The following PCDH18 variants were observed in gnomAD, a reference collection of about 807,000 sequenced individuals.
PCDH18 encodes the protein protocadherin-18.
A neutral mutation model predicts 71.5 loss-of-function variants in PCDH18; 38 were observed. The observed-to-expected ratio is 0.53, with a 90% CI of 0.41 to 0.70. The LOEUF is 0.70. Ranked by LOEUF, PCDH18 falls within the 30% of genes least tolerant of loss-of-function variation. The pLI is 0.00. For synonymous variants in PCDH18, 565 were observed against 505.4 expected (o/e 1.12, Z -1.58); for missense variants, 1,334 against 1,384.6 (o/e 0.96, Z 0.58).
At chr4:137,522,942 T>C (rs1444186896) in intron 3 of PCDH18, among the ~76,000 whole-genome samples, 5 of 152,232 alleles carry the variant, frequency 3.3e-5, no homozygotes, top group East Asian at 3.9e-4. Flanking sequence ...AAAGAAGTAA[T>C]GGTCTTTGAT....
intron 1 of PCDH18, 96 bp from the exon 2 acceptor site, chr4:137,528,916 A>C: frequency 1.2e-6 from 1 of 868,542 alleles, no homozygotes; most frequent in Non-Finnish European, 1.9e-6. Context: ...ATTTCAACTA[A>C]GTAATTGAAT....
chr4:137,530,132 C>T lies in PCDH18; in HGVS notation c.1957G>A (p.Glu653Lys). Residue 653 changes from glutamate to lysine, a missense_variant, in exon 1 of 4, where the codon GAG becomes AAG. By Grantham distance (56) the Glu-to-Lys change is moderately conservative. Coordinates refer to ENST00000344876, the MANE Select transcript of PCDH18 (RefSeq NM_019035.5). The part of the protein sequence containing the change: ...SMDSVPYTEW[E>K]LSVIIQDKGN... ...TTGTCCTGAATGATAACTGACAGCT[C>T]CCATTCTGTGTAGGGAACAGAATCC... is the stretch of plus-strand genomic sequence containing the variant. The T allele has an allele frequency of 6.2e-7, 1 of 1,612,816 alleles. No homozygotes were observed. Among genetic ancestry groups the T allele is most frequent in the South Asian group, 1.1e-5 (1 of 91,050 alleles).
In PCDH18 at chr4:137,530,990, A is replaced by G; in HGVS notation, c.1099T>C (p.Ser367Pro). Reference sequence around the variant, plus strand: ...ATAGGATCCCCTTCAAAAATATAAGATATTTCTTCTTTTCCAGGGGACATG... The same window carrying G: ...ATAGGATCCCCTTCAAAAATATAAGGTATTTCTTCTTTTCCAGGGGACATG... ...NLMSPGKEEI[S>P]YIFEGDPIDT... The change falls in exon 1 of 4, where the codon TCT (serine) becomes CCT (proline). Residue 367 changes from serine (S) to proline (P), a missense_variant. Physicochemically the swap from Ser to Pro is moderately conservative, Grantham distance 74. Transcript: ENST00000344876. 6.2e-7 allele frequency: 1 copy of G among 1,612,680 alleles called. No homozygotes were observed. Among genetic ancestry groups the G allele is most frequent in the South Asian group, 1.1e-5 (1 of 90,944 alleles).
chr4:137,523,048 A>G (rs1449936746), intron 3 of PCDH18, among the ~76,000 whole-genome samples: 1 of 152,160 alleles, frequency 6.6e-6, no homozygotes, highest in African/African-American at 2.4e-5. Context: ...TCAAGTTTTA[A>G]TGAAAAGGAG....
chr4:137,525,288 A>G (rs568769440), intron 3 of PCDH18, among the ~76,000 whole-genome samples: 4 of 152,312 alleles, frequency 2.6e-5, no homozygotes, highest in Admixed American at 2.6e-4. Flanking sequence ...ATGAATGACC[A>G]GAAATGACCC....
In PCDH18 at chr4:137,531,169, G is replaced by T; in HGVS notation, c.920C>A (p.Thr307Asn). Residue 307 changes from threonine (T) to asparagine (N), a missense_variant, in exon 1 of 4, where the codon ACT becomes AAT. Around this residue, in one of 3 missense-constraint regions of PCDH18, gnomAD observed 1,011 missense variants for 1,048.0 expected, o/e 0.96. Coordinates refer to ENST00000344876, the MANE Select transcript of PCDH18 (RefSeq NM_019035.5). ...TTCATAATCCACTTGCTTGAAAAGA[G>T]TCAAATGTCCTCTTTCAGAATCAAT... ...FKIDSERGHLTLFKQVDYEIT... is the reference protein window; with the variant it reads ...FKIDSERGHLNLFKQVDYEIT... The T allele has an allele frequency of 6.2e-7, 1 of 1,613,314 alleles. No individual in the cohort carries two copies. The highest frequency in any genetic ancestry group is 8.5e-7 in the Non-Finnish European group (1 of 1,179,498).
chr4:137,521,114 A>T lies in PCDH18; in HGVS notation c.3323T>A (p.Leu1108His), dbSNP rs1198164591. The change falls in exon 4 of 4, where the codon CTC becomes CAC. Residue 1108 changes from leucine (L) to histidine (H), a missense_variant. Leu to His is a moderately conservative substitution (Grantham distance 99). This residue lies in a region of PCDH18 where 319 missense variants were observed against 316.3 expected (regional missense o/e 1.01). Coordinates refer to ENST00000344876, the MANE Select transcript of PCDH18 (RefSeq NM_019035.5). ...CATGAGTTCGTGTTTCCCATCATTGAGGTGGTTGAGCACATTGTCAAAATC... is the reference window on the plus strand; with the variant it reads ...CATGAGTTCGTGTTTCCCATCATTGTGGTGGTTGAGCACATTGTCAAAATC... Reference protein sequence around the residue: ...EDDFDNVLNHLNDGKHELMDA... With the variant: ...EDDFDNVLNHHNDGKHELMDA... 6.2e-7 allele frequency: 1 copy of T among 1,613,844 alleles called. No homozygotes were observed. Among genetic ancestry groups the T allele is most frequent in the Non-Finnish European group, 8.5e-7 (1 of 1,179,866 alleles).
rs961019283 is a variant in PCDH18, at chr4:137,520,900, T to G, written c.*129A>C. Reference sequence around the variant, plus strand: ...CATACGAAAATACAGTATTTAATATTCAATATACACAGACACATTTATGAT... The same window carrying G: ...CATACGAAAATACAGTATTTAATATGCAATATACACAGACACATTTATGAT... On this transcript the variant is annotated 3_prime_UTR_variant, in exon 4 of 4. Transcript: ENST00000344876. The G allele has an allele frequency of 1.6e-6, 1 of 617,760 alleles. No individual in the cohort carries two copies. Among genetic ancestry groups the G allele is most frequent in the Non-Finnish European group, 2.8e-6 (1 of 350,890 alleles). 38.3% of individuals were successfully genotyped at this position (617,760 alleles called of 1,614,324 possible).
At chr4:137,523,837 T>G (rs1731371449) in intron 3 of PCDH18, among the ~76,000 whole-genome samples, 1 of 152,140 alleles carries the variant, frequency 6.6e-6, no homozygotes, top group Admixed American at 6.6e-5. Flanking sequence ...ATTTGCAACT[T>G]CATCCCAATA....
Position 137,528,797 on chromosome 4 carries a change from C to A in PCDH18, c.2511G>T (p.Met837Ile), listed in dbSNP as rs1024810475. ...AVEQVSQLLS[M>I]LHQGQYQPRP... Reference sequence around the variant, plus strand: ...TTGGCTGATATTGCCCCTGGTGAAGCATTGAAAGAAGCTGAGAGACCTGCT... The same window carrying A: ...TTGGCTGATATTGCCCCTGGTGAAGAATTGAAAGAAGCTGAGAGACCTGCT... The change falls in exon 2 of 4, where the codon ATG becomes ATT. Residue 837 changes from methionine (M) to isoleucine (I), a missense_variant. This residue lies in a region of PCDH18 where 1,011 missense variants were observed against 1,048.0 expected (regional missense o/e 0.96). Coordinates refer to ENST00000344876, the MANE Select transcript of PCDH18 (RefSeq NM_019035.5). 1 of 1,613,178 alleles carries A rather than the reference C, an allele frequency of 6.2e-7. No individual in the cohort carries two copies. The highest frequency in any genetic ancestry group is 1.7e-5 in the Admixed American group (1 of 59,982).
intron 3 of PCDH18, among the ~76,000 whole-genome samples, chr4:137,528,054 T>C (rs1731530287): frequency 6.6e-6 from 1 of 152,140 alleles, no homozygotes; most frequent in Non-Finnish European, 1.5e-5. Context: ...TCACAGGAAA[T>C]GCATCCTCCA....
intron 3 of PCDH18, among the ~76,000 whole-genome samples, chr4:137,525,239 C>T (rs969509931): frequency 6.6e-6 from 1 of 152,160 alleles, no homozygotes; most frequent in African/African-American, 2.4e-5. Context: ...ACCAATTTGA[C>T]TGCTCAAAAT....
Position 137,530,644 on chromosome 4 carries a change from G to A in PCDH18, c.1445C>T (p.Ala482Val), listed in dbSNP as rs764599479. Reference protein sequence around the residue: ...FVISENNSPGAYITTVTATDP... With the variant: ...FVISENNSPGVYITTVTATDP... Reference sequence around the variant, plus strand: ...TGTGGCTGTAACAGTGGTGATATATGCCCCTGGTGAGTTATTTTCTGAAAT... The same window carrying A: ...TGTGGCTGTAACAGTGGTGATATATACCCCTGGTGAGTTATTTTCTGAAAT... Residue 482 changes from alanine to valine, a missense_variant, in exon 1 of 4, where the codon GCA (alanine) becomes GTA (valine). Physicochemically the swap from Ala to Val is moderately conservative, Grantham distance 64. Transcript: ENST00000344876. The A allele has an allele frequency of 6.2e-7, 1 of 1,613,668 alleles. No individual in the cohort carries two copies. The highest frequency in any genetic ancestry group is 8.5e-7 in the Non-Finnish European group (1 of 1,179,778).
rs775257894 is a variant in PCDH18 at position 137,530,704 on chromosome 4, G to A, written c.1385C>T (p.Pro462Leu). 1 of 1,613,038 alleles carries A rather than the reference G, an allele frequency of 6.2e-7. No homozygotes were observed. The highest frequency in any genetic ancestry group is 2.2e-5 in the East Asian group (1 of 44,852). The change falls in exon 1 of 4, where the codon CCA (proline) becomes CTA (leucine). Residue 462 changes from proline (P) to leucine (L), a missense_variant. Pro to Leu is a moderately conservative substitution (Grantham distance 98). Around this residue, in one of 3 missense-constraint regions of PCDH18, gnomAD observed 1,011 missense variants for 1,048.0 expected, o/e 0.96. Coordinates refer to ENST00000344876, the MANE Select transcript of PCDH18 (RefSeq NM_019035.5). ...TVQINDINDN[P>L]PHFQRSRYEF... The stretch of plus-strand genomic sequence containing the variant: ...ATATCGGCTTCTCTGGAAGTGGGGT[G>A]GATTGTCATTGATATCATTGATTTG...
chr4:137,529,170 TA>T, intron 1 of PCDH18: 1 of 269,110 alleles, frequency 3.7e-6, no homozygotes. Context: ...GCATGTAGTT[TA>T]AAAAATGTCA....
In PCDH18 at chr4:137,520,961, G is replaced by GT; in HGVS notation, c.*67dup. 1 of 1,163,316 alleles carries GT rather than the reference G, an allele frequency of 8.6e-7. No individual in the cohort carries two copies. The highest frequency in any genetic ancestry group is 1.2e-6 in the Non-Finnish European group (1 of 814,724). The allele number at this position is 1,163,316 out of a possible 1,614,324, so 72.1% of individuals were successfully genotyped here. Reference sequence around the variant, plus strand: ...ATTTGGCAATGCCAGTTCTTTCAGGGTTTTTTGTTGTTGTTGTTGTTCCCT... The same window carrying GT: ...ATTTGGCAATGCCAGTTCTTTCAGGGTTTTTTTGTTGTTGTTGTTGTTCCCT... On this transcript the variant is annotated 3_prime_UTR_variant, in exon 4 of 4. Coordinates refer to ENST00000344876, the MANE Select transcript of PCDH18 (RefSeq NM_019035.5).
At chr4:137,526,154 TA>T (rs1003942995) in intron 3 of PCDH18, among the ~76,000 whole-genome samples, 5 of 151,512 alleles carry the variant, frequency 3.3e-5, no homozygotes, top group African/African-American at 9.7e-5. Context: ...AACTTTGACC[TA>T]AAAAAAACTT....
In PCDH18 at chr4:137,518,972, G is replaced by A. The variant is rs756574892; in HGVS notation, c.*2057C>T. On this transcript the variant is annotated 3_prime_UTR_variant, in exon 4 of 4. Coordinates refer to ENST00000344876, the MANE Select transcript of PCDH18 (RefSeq NM_019035.5). ...TTTATTTCACATTATTCAAAATAGC[G>A]GTTTTCAGCATAGCTTCCCATATTA... The A allele has an allele frequency of 3.3e-5, 5 of 152,084 alleles. No homozygotes were observed. The highest frequency in any genetic ancestry group is 7.4e-5 in the Non-Finnish European group (5 of 68,024). 9.4% of individuals were successfully genotyped at this position (152,084 alleles called of 1,614,324 possible).
chr4:137,524,409 T>C (rs1238959298), intron 3 of PCDH18, among the ~76,000 whole-genome samples: 3 of 152,192 alleles, frequency 2.0e-5, no homozygotes, highest in East Asian at 1.9e-4. Context: ...TAAAAAGATA[T>C]AGCTCTAAGT....
Sources: allele counts gnomAD v4.1 joint callset (sites outside exome capture counted in the v4.1 genomes callset), GRCh38; gene constraint gnomAD v4.1.1; regional missense constraint gnomAD v4.1.1; transcripts MANE v1.5; gene names NCBI Gene and HGNC (gene_info 2026-07-23, HGNC 2026-07-21).